The following ACTR3B variants were observed in gnomAD, a reference collection of about 807,000 sequenced individuals.
The protein encoded by ACTR3B is actin related protein 3B.
In ACTR3B, 8 loss-of-function variants were observed where a neutral mutation model predicts 59.0. The observed-to-expected ratio is 0.14, with a 90% CI of 0.08 to 0.24. The LOEUF is 0.24. Among genes scored for constraint, ACTR3B ranks in the 10% least tolerant of loss-of-function variants. The probability of loss-of-function intolerance (pLI) is 1.00; values close to 1 mark genes in which losing one functional copy is unlikely to be tolerated. For synonymous variants in ACTR3B, 148 were observed against 197.9 expected (o/e 0.75, Z 2.12); for missense variants, 245 against 552.3 (o/e 0.44, Z 5.58).
At chr7:152,801,508 A>G in intron 3 of ACTR3B, 113 bp from the exon 4 acceptor site, 2 of 1,376,582 alleles carry the variant, frequency 1.5e-6, no homozygotes, top group Non-Finnish European at 2.0e-6. Flanking sequence ...CAAAAACTGC[A>G]ATAAGAAGGA....
chr7:152,774,531 T>C (rs1317164934), intron 1 of ACTR3B, among the ~76,000 whole-genome samples: 3 of 152,260 alleles, frequency 2.0e-5, no homozygotes, highest in African/African-American at 7.2e-5. Flanking sequence ...TTAGATAATA[T>C]GTTTAGTCCA....
intron 6 of ACTR3B, among the ~76,000 whole-genome samples, chr7:152,818,779 C>T (rs1211929427): frequency 2.6e-5 from 4 of 151,906 alleles, no homozygotes; most frequent in East Asian, 1.9e-4. Flanking sequence ...CGTGTGCTCA[C>T]GCATGCGTGC....
rs191373094 is a variant in ACTR3B, at chr7:152,764,630, C to T, written c.44+4704C>T. 2.2e-4 allele frequency among the ~76,000 whole-genome samples: 31 copies of T among 141,934 alleles called. No homozygotes were observed. In the East Asian group the frequency reaches 5.3e-3, roughly 24 times the overall value. The allele number at this position is 141,934 out of a possible 152,430, so 93.1% of individuals were successfully genotyped here. A position where few individuals can be genotyped will look rare whatever the true frequency, so the allele number is the denominator to read the frequency against. On this transcript the variant is annotated intron_variant, in intron 1 of 11. Coordinates refer to ENST00000256001, the MANE Select transcript of ACTR3B (RefSeq NM_020445.6). ...CCACTGCACTCCAGCCTGGCAACAG[C>T]GAGACTCCATCTCAAAAAAAAAAAA...
intron 9 of ACTR3B, among the ~76,000 whole-genome samples, chr7:152,848,334 A>T (rs541903511): frequency 6.6e-6 from 1 of 152,210 alleles, no homozygotes; most frequent in Non-Finnish European, 1.5e-5. Flanking sequence ...ATCCCCTGAC[A>T]TATGGGCTGT....
At chr7:152,781,019 CAAAG>C (rs1350538738) in intron 1 of ACTR3B, among the ~76,000 whole-genome samples, 1 of 151,510 alleles carries the variant, frequency 6.6e-6, no homozygotes, top group Non-Finnish European at 1.5e-5. Context: ...GTAACTTGCC[CAAAG>C]ATACACATTT....
chr7:152,773,352 C>T (rs968600341), intron 1 of ACTR3B, among the ~76,000 whole-genome samples: 1 of 152,092 alleles, frequency 6.6e-6, no homozygotes, highest in Non-Finnish European at 1.5e-5. Flanking sequence ...CTTTGAGAGG[C>T]CGAGGTGGGT....
chr7:152,809,301 G>T (rs1314464602), intron 4 of ACTR3B, among the ~76,000 whole-genome samples: 1 of 151,382 alleles, frequency 6.6e-6, no homozygotes, highest in African/African-American at 2.4e-5. Context: ...CTGTGCCAGA[G>T]TTTAAAGTGC....
At position 152,840,354 on chromosome 7, in the gene ACTR3B, C is replaced by G. The variant is rs531620520; in HGVS notation, c.952-11772C>G. ...CAAGAGAACCCACTGTGCTTGTCGC[C>G]GTCCTGCCTTCCCTGGGCCGGTGCT... On this transcript the variant is annotated intron_variant, in intron 9 of 11. Coordinates refer to ENST00000256001, the MANE Select transcript of ACTR3B (RefSeq NM_020445.6). Among the ~76,000 whole-genome samples the G allele has an allele frequency of 2.8e-3, 423 of 152,072 alleles. 3 individuals are homozygous for G. The highest frequency in any genetic ancestry group is 9.8e-3 in the African/African-American group (405 of 41,530).
At chr7:152,795,998 C>T (rs2098215307) in intron 2 of ACTR3B, among the ~76,000 whole-genome samples, 1 of 152,124 alleles carries the variant, frequency 6.6e-6, no homozygotes, top group African/African-American at 2.4e-5. Flanking sequence ...CGCCCGCCCC[C>T]ATGCCTGGCT....
In ACTR3B at chr7:152,824,383, C is replaced by T. The variant is rs540504154; in HGVS notation, c.859-647C>T. 2.0e-5 allele frequency among the ~76,000 whole-genome samples: 3 copies of T among 152,330 alleles called. No individual in the cohort carries two copies. The highest frequency in any genetic ancestry group is 2.1e-4 in the South Asian group (1 of 4,830). ...CTGGTGAGCAACTGAATATCCTCCTCCTTCCTCTGAGAGTGCACATTCAAG... is the reference window on the plus strand; with the variant it reads ...CTGGTGAGCAACTGAATATCCTCCTTCTTCCTCTGAGAGTGCACATTCAAG... On this transcript the variant is annotated intron_variant, in intron 8 of 11. Coordinates refer to ENST00000256001, the MANE Select transcript of ACTR3B (RefSeq NM_020445.6). The surrounding 1 kb of genome is among the most constrained non-coding windows in gnomAD (Gnocchi z 4.2).
intron 1 of ACTR3B, among the ~76,000 whole-genome samples, chr7:152,781,393 G>A (rs1295861702): frequency 1.3e-5 from 2 of 151,908 alleles, no homozygotes; most frequent in Non-Finnish European, 2.9e-5. Flanking sequence ...TTTACAACTG[G>A]TGAGAATACA....
chr7:152,849,283 C>T (rs1054224243), intron 9 of ACTR3B, among the ~76,000 whole-genome samples: 2 of 152,168 alleles, frequency 1.3e-5, no homozygotes, highest in Non-Finnish European at 1.5e-5. Flanking sequence ...ATGCTCAGGG[C>T]TGTTCCCTGT....
intron 1 of ACTR3B, among the ~76,000 whole-genome samples, chr7:152,771,979 C>T (rs1206469154): frequency 6.6e-6 from 1 of 151,998 alleles, no homozygotes; most frequent in Non-Finnish European, 1.5e-5. Flanking sequence ...GCAGGAGAAT[C>T]GCTTGAACCT....
intron 9 of ACTR3B, among the ~76,000 whole-genome samples, chr7:152,845,768 G>A (rs946544914): frequency 3.9e-5 from 6 of 152,218 alleles, no homozygotes; most frequent in Admixed American, 1.3e-4. Flanking sequence ...ATCTGCCATC[G>A]GCCAGGGCCC....
intron 1 of ACTR3B, among the ~76,000 whole-genome samples, chr7:152,781,283 G>C (rs1242826854): frequency 7.4e-6 from 1 of 134,816 alleles, no homozygotes; most frequent in Non-Finnish European, 1.6e-5. Flanking sequence ...TGATATCTGT[G>C]ATTTTTTTTT....
At chr7:152,761,505 C>G (rs1374246735) in intron 1 of ACTR3B, among the ~76,000 whole-genome samples, 1 of 152,126 alleles carries the variant, frequency 6.6e-6, no homozygotes, top group Non-Finnish European at 1.5e-5. Flanking sequence ...CCTTACTCAT[C>G]TTTCTTGCTA....
At chr7:152,853,386 A>T in intron 10 of ACTR3B, 108 bp from the exon 11 acceptor site, 1 of 917,762 alleles carries the variant, frequency 1.1e-6, no homozygotes, top group Non-Finnish European at 1.7e-6. Flanking sequence ...TGCTCGTGCC[A>T]TAAGAGGAGG....
intron 1 of ACTR3B, among the ~76,000 whole-genome samples, chr7:152,765,131 T>TC (rs67990653): frequency 5.4e-5 from 5 of 91,866 alleles, no homozygotes; most frequent in African/African-American, 2.1e-4. Context: ...TTTTTTTTTT[T>TC]CCGGAGACAG....
chr7:152,766,672 G>T (rs1284291997), intron 1 of ACTR3B, among the ~76,000 whole-genome samples: 1 of 152,254 alleles, frequency 6.6e-6, no homozygotes, highest in South Asian at 2.1e-4. Context: ...TGCAAAGTTT[G>T]TTTTCTTTAG....
Sources: allele counts gnomAD v4.1 joint callset (sites outside exome capture counted in the v4.1 genomes callset), GRCh38; gene constraint gnomAD v4.1.1; non-coding constraint Gnocchi (gnomAD v3.1); transcripts MANE v1.5; gene names NCBI Gene and HGNC (gene_info 2026-07-23, HGNC 2026-07-21).